ARHGEF7: variants seen among roughly 807,000 people sequenced by gnomAD.
ARHGEF7 encodes the protein PAK-interacting exchange factor beta.
In ARHGEF7, 33 loss-of-function variants were observed where a neutral mutation model predicts 109.8. The ratio of observed to expected loss-of-function variants is 0.30; its 90% CI spans 0.23 to 0.40. ARHGEF7 has a LOEUF of 0.40. Ranked by LOEUF, ARHGEF7 falls within the 10% of genes least tolerant of loss-of-function variation. The probability of loss-of-function intolerance (pLI) is 1.00; values close to 1 mark genes in which losing one functional copy is unlikely to be tolerated. For missense variants in ARHGEF7, 938 were observed against 1,098.5 expected, an observed-to-expected ratio of 0.85 and a Z score of 2.07; for synonymous variants, 458 against 424.6, an observed-to-expected ratio of 1.08 and a Z score of -0.97.
chr13:111,280,017 C>A (rs2092698805), intron 13 of ARHGEF7, among the ~76,000 whole-genome samples: 1 of 152,272 alleles, frequency 6.6e-6, no homozygotes, highest in South Asian at 2.1e-4. Context: ...TCATCAGATA[C>A]AGTGTGTGTT....
intron 9 of ARHGEF7, among the ~76,000 whole-genome samples, chr13:111,271,199 T>C (rs2092117003): frequency 6.6e-6 from 1 of 152,226 alleles, no homozygotes; most frequent in African/African-American, 2.4e-5. Flanking sequence ...TGAGCAGTCC[T>C]GTGGCTCCTC....
intron 2 of ARHGEF7, among the ~76,000 whole-genome samples, chr13:111,201,858 A>G (rs969982630): frequency 1.3e-5 from 2 of 151,854 alleles, no homozygotes; most frequent in Non-Finnish European, 2.9e-5. Flanking sequence ...GTGTTAGACC[A>G]TGGGAACTCC....
intron 9 of ARHGEF7, among the ~76,000 whole-genome samples, chr13:111,270,446 CTA>C (rs1010446195): frequency 1.1e-4 from 17 of 151,810 alleles, no homozygotes; most frequent in African/African-American, 4.1e-4. Flanking sequence ...CAAACTGAAA[CTA>C]AAACGATGAT....
chr13:111,168,583 T>A (rs2153409293), intron 2 of ARHGEF7, among the ~76,000 whole-genome samples: 2 of 152,286 alleles, frequency 1.3e-5, no homozygotes, highest in South Asian at 4.1e-4. Context: ...TGAAAGGTAA[T>A]GATTGAAAAG....
chr13:111,205,616 C>T (rs911761273), intron 3 of ARHGEF7, among the ~76,000 whole-genome samples: 23 of 152,094 alleles, frequency 1.5e-4, no homozygotes, highest in African/African-American at 5.3e-4. Context: ...GATTTCTCAC[C>T]TGAACGTATA....
At chr13:111,278,923 T>C (rs1259990046) in intron 13 of ARHGEF7, among the ~76,000 whole-genome samples, 2 of 152,224 alleles carry the variant, frequency 1.3e-5, no homozygotes, top group African/African-American at 2.4e-5. Flanking sequence ...GACAGACTGC[T>C]GGAGCTCATC....
rs1795612511 is a variant in ARHGEF7, at chr13:111,133,813, A to ATATATAAG, written c.165+18123_165+18124insATATAAGT. On this transcript the variant is annotated intron_variant, in intron 1 of 21. Coordinates refer to ENST00000646102, the MANE Select transcript of ARHGEF7 (RefSeq NM_001354046.2). ...TATATATATATATATATATATATAT[A>ATATATAAG]TTTATTATACTTTAAGTTCTAGGTA... Among the ~76,000 whole-genome samples the ATATATAAG allele has an allele frequency of 2.9e-5, 2 of 69,974 alleles. 1 individual carries two copies. The highest frequency in any genetic ancestry group is 1.1e-3 in the South Asian group (2 of 1,802). 45.9% of individuals were successfully genotyped at this position (69,974 alleles called of 152,430 possible).
chr13:111,292,461 C>T, intron 19 of ARHGEF7, 167 bp downstream of exon 19: 1 of 1,445,302 alleles, frequency 6.9e-7, no homozygotes, highest in Non-Finnish European at 9.1e-7. Flanking sequence ...CTGATATTTC[C>T]CATTGTACTT....
chr13:111,137,207 TC>T (rs1290712687), intron 1 of ARHGEF7, among the ~76,000 whole-genome samples: 1 of 152,190 alleles, frequency 6.6e-6, no homozygotes, highest in Non-Finnish European at 1.5e-5. Flanking sequence ...ACTATTCCAA[TC>T]AATGGAAAAG....
At chr13:111,289,309 C>T (rs1212648940) in intron 18 of ARHGEF7, among the ~76,000 whole-genome samples, 1 of 152,258 alleles carries the variant, frequency 6.6e-6, no homozygotes, top group Non-Finnish European at 1.5e-5. Flanking sequence ...GCTGGGATTA[C>T]AGGCGTGAGA....
At chr13:111,254,303 G>C (rs1262937791) in intron 8 of ARHGEF7, among the ~76,000 whole-genome samples, 1 of 152,212 alleles carries the variant, frequency 6.6e-6, no homozygotes, top group Non-Finnish European at 1.5e-5. Flanking sequence ...TTTCTATTCT[G>C]GTGACAGTTT....
At chr13:111,210,089 A>G in intron 4 of ARHGEF7, 87 bp downstream of exon 4, 2 of 1,555,600 alleles carry the variant, frequency 1.3e-6, no homozygotes, top group Non-Finnish European at 1.8e-6. Flanking sequence ...GTATGCCTCC[A>G]TTAATGGTGT....
At position 111,122,361 on chromosome 13, in the gene ARHGEF7, C is replaced by T. The variant is rs566399371; in HGVS notation, c.165+6670C>T. ...GTCTGCAGAGAGAGGGCTTTGGGGCCGCCCCGGTCCGACTGCTTCCCGGGT... is the reference window on the plus strand; with the variant it reads ...GTCTGCAGAGAGAGGGCTTTGGGGCTGCCCCGGTCCGACTGCTTCCCGGGT... On this transcript the variant is annotated intron_variant, in intron 1 of 21. Coordinates refer to ENST00000646102, the MANE Select transcript of ARHGEF7 (RefSeq NM_001354046.2). Among the ~76,000 whole-genome samples the T allele has an allele frequency of 1.4e-4, 21 of 152,354 alleles. No homozygotes were observed. In the East Asian group the frequency reaches 1.9e-3, roughly 14 times the overall value.
At chr13:111,187,234 C>T (rs1015973235) in intron 2 of ARHGEF7, among the ~76,000 whole-genome samples, 1 of 152,160 alleles carries the variant, frequency 6.6e-6, no homozygotes, top group African/African-American at 2.4e-5. Context: ...ATTGTTGGCT[C>T]CTTGGACAGC....
At chr13:111,296,093 C>T (rs904696758) in intron 19 of ARHGEF7, among the ~76,000 whole-genome samples, 3 of 152,182 alleles carry the variant, frequency 2.0e-5, no homozygotes, top group African/African-American at 7.2e-5. Flanking sequence ...AACAGCCAAG[C>T]GTGGTGGTCG....
intron 5 of ARHGEF7, among the ~76,000 whole-genome samples, chr13:111,230,382 A>G (rs1319637571): frequency 6.6e-6 from 1 of 152,206 alleles, no homozygotes; most frequent in African/African-American, 2.4e-5. Flanking sequence ...TCTGTTACGA[A>G]TGGCCGTAAT....
chr13:111,208,886 G>T (rs2082181238), intron 3 of ARHGEF7, among the ~76,000 whole-genome samples: 1 of 152,200 alleles, frequency 6.6e-6, no homozygotes, highest in Non-Finnish European at 1.5e-5. Flanking sequence ...GTCCTCTCAG[G>T]ACAGCCCCTG....
chr13:111,134,663 G>T (rs1239343189), intron 1 of ARHGEF7, among the ~76,000 whole-genome samples: 2 of 152,046 alleles, frequency 1.3e-5, no homozygotes, highest in Non-Finnish European at 2.9e-5. Context: ...TTGTAAATTT[G>T]TTTGAGTTCT....
chr13:111,182,888 AC>A (rs543051719), intron 2 of ARHGEF7, among the ~76,000 whole-genome samples: 8 of 152,224 alleles, frequency 5.3e-5, no homozygotes, highest in Non-Finnish European at 1.2e-4. Context: ...AGTATTCAGT[AC>A]GTCACATGAG....
Sources: allele counts gnomAD v4.1 joint callset (sites outside exome capture counted in the v4.1 genomes callset), GRCh38; gene constraint gnomAD v4.1.1; transcripts MANE v1.5; gene names NCBI Gene and HGNC (gene_info 2026-07-23, HGNC 2026-07-21).